The following LARP6 variants were observed in gnomAD, a reference collection of about 807,000 sequenced individuals.
The protein encoded by LARP6 is la-related protein 6.
Under a neutral mutation model 32.8 loss-of-function variants are expected in LARP6, and 18 were observed. The ratio of observed to expected loss-of-function variants is 0.55; its 90% CI spans 0.38 to 0.81. The LOEUF (loss-of-function observed/expected upper bound fraction) is 0.81. Ranked by LOEUF, LARP6 falls within the 40% of genes least tolerant of loss-of-function variation. The pLI is 0.00. For synonymous variants in LARP6, 289 were observed against 267.2 expected (o/e 1.08, Z -0.80); for missense variants, 598 against 663.1 (o/e 0.90, Z 1.08).
At chr15:70,851,764 C>G in intron 1 of LARP6, 1 of 1,613,352 alleles carries the variant, frequency 6.2e-7, no homozygotes, top group Non-Finnish European at 8.5e-7. Flanking sequence ...GTGGAAGGTG[C>G]TAGGCATAAA....
At chr15:70,852,709 T>C (rs1333919306) in intron 1 of LARP6, among the ~76,000 whole-genome samples, 1 of 152,180 alleles carries the variant, frequency 6.6e-6, no homozygotes, top group Non-Finnish European at 1.5e-5. Context: ...TACTTTGTCA[T>C]ACACTATGGT....
chr15:70,832,360 T>C lies in LARP6; in HGVS notation c.1168A>G (p.Lys390Glu). ...AGTGGGGACTTTCTGGAAACGCCTTTGCGTTGGGCCAAGGGGCTGCTCCAA... is the reference window on the plus strand; with the variant it reads ...AGTGGGGACTTTCTGGAAACGCCTTCGCGTTGGGCCAAGGGGCTGCTCCAA... ...SPWSSPLAQR[K>E]GVSRKSPLAE... The change falls in exon 3 of 3, where the codon AAA (lysine) becomes GAA (glutamate). Residue 390 changes from lysine to glutamate, a missense_variant. Lys to Glu is a moderately conservative substitution (Grantham distance 56, BLOSUM62 1). Transcript: ENST00000299213. 1 of 1,614,062 alleles carries C rather than the reference T, an allele frequency of 6.2e-7. No homozygotes were observed. The highest frequency in any genetic ancestry group is 1.1e-5 in the South Asian group (1 of 91,074).
At chr15:70,843,971 T>G (rs2032304559) in intron 1 of LARP6, among the ~76,000 whole-genome samples, 1 of 149,658 alleles carries the variant, frequency 6.7e-6, no homozygotes, top group Non-Finnish European at 1.5e-5. Flanking sequence ...TTCTTTTTTT[T>G]TTTTTAAGAC....
In LARP6 at chr15:70,836,322, G is replaced by A. The variant is rs141487882; in HGVS notation, c.384C>T (p.Ser128=). ...HVRRNKLGYV[S]VKLLTSFKKV... Reference sequence around the variant, plus strand: ...TTTTGAAGGATGTGAGTAGCTTAACGCTCACATATCCCAGCTTGTTCCTCC... The same window carrying A: ...TTTTGAAGGATGTGAGTAGCTTAACACTCACATATCCCAGCTTGTTCCTCC... The change falls in exon 2 of 3, where the codon AGC becomes AGT. Residue 128 remains serine, a synonymous_variant. Coordinates refer to ENST00000299213, the MANE Select transcript of LARP6 (RefSeq NM_018357.4). The A allele has an allele frequency of 5.6e-6, 9 of 1,613,886 alleles. No individual in the cohort carries two copies. The highest frequency in any genetic ancestry group is 3.3e-5 in the South Asian group (3 of 91,082).
chr15:70,843,719 G>C (rs1000626345), intron 1 of LARP6, among the ~76,000 whole-genome samples: 1 of 126,674 alleles, frequency 7.9e-6, no homozygotes. Context: ...GCAGTGGCAT[G>C]ATCTTGGCTC....
In LARP6 at chr15:70,853,993, C is replaced by A; in HGVS notation, c.96G>T (p.Glu32Asp). Residue 32 changes from glutamate to aspartate, a missense_variant, in exon 1 of 3, where the codon GAG becomes GAT. Around this residue, in one of 3 missense-constraint regions of LARP6, gnomAD observed 161 missense variants for 148.6 expected, o/e 1.08. Coordinates refer to ENST00000299213, the MANE Select transcript of LARP6 (RefSeq NM_018357.4). Reference sequence around the variant, plus strand: ...GAGTCTCCGCCCCCTCCTCCTCGTCCTCCAACTCGTCCACGTCCTCGGCCT... The same window carrying A: ...GAGTCTCCGCCCCCTCCTCCTCGTCATCCAACTCGTCCACGTCCTCGGCCT... Reference protein sequence around the residue: ...IQEAEDVDELEDEEEGAETRG... With the variant: ...IQEAEDVDELDDEEEGAETRG... 6.8e-7 allele frequency: 1 copy of A among 1,466,150 alleles called. No homozygotes were observed. The highest frequency in any genetic ancestry group is 9.1e-7 in the Non-Finnish European group (1 of 1,103,852). 90.8% of individuals were successfully genotyped at this position (1,466,150 alleles called of 1,614,324 possible).
intron 1 of LARP6, among the ~76,000 whole-genome samples, chr15:70,839,425 G>T: frequency 7.5e-6 from 1 of 132,536 alleles, no homozygotes; most frequent in Non-Finnish European, 1.6e-5. Context: ...GGGTGACAGA[G>T]TGAGACTGTC....
At chr15:70,839,913 G>A (rs1468183701) in intron 1 of LARP6, among the ~76,000 whole-genome samples, 2 of 152,234 alleles carry the variant, frequency 1.3e-5, no homozygotes, top group Admixed American at 1.3e-4. Flanking sequence ...AAAAGGCCAA[G>A]AGAATTGGCT....
At chr15:70,852,672 C>T (rs1339888256) in intron 1 of LARP6, among the ~76,000 whole-genome samples, 1 of 152,158 alleles carries the variant, frequency 6.6e-6, no homozygotes, top group African/African-American at 2.4e-5. Context: ...ACGAATCAGG[C>T]CTTGCATTAT....
At chr15:70,849,939 AT>A (rs112306414) in intron 1 of LARP6, among the ~76,000 whole-genome samples, 1,709 of 152,292 alleles carry the variant, frequency 0.011, 34 homozygotes, top group African/African-American at 0.039. Context: ...TTAAAAAAAA[AT>A]AGAGCAATGC....
chr15:70,851,601 G>A, intron 1 of LARP6: 1 of 1,601,460 alleles, frequency 6.2e-7, no homozygotes, highest in Non-Finnish European at 8.5e-7. Flanking sequence ...TTGAGTGAGT[G>A]TGATGATAGA....
At position 70,832,118 on chromosome 15, in the gene LARP6, C is replaced by T. The variant is rs1595948844; in HGVS notation, c.1410G>A (p.Arg470=). Residue 470 remains arginine, a synonymous_variant, in exon 3 of 3, where the codon AGG becomes AGA. Transcript: ENST00000299213. ...TGGTGTTGTCAGGACCCCTGGGCAA[C>T]CTCAGCACCCCTACGGGTAGCCCAT... ...TADGLPVGVL[R]LPRGPDNTRG... The T allele has an allele frequency of 6.3e-7, 1 of 1,594,430 alleles. No homozygotes were observed. Among genetic ancestry groups the T allele is most frequent in the Non-Finnish European group, 8.5e-7 (1 of 1,170,230 alleles).
chr15:70,846,049 G>T (rs2032340325), intron 1 of LARP6, among the ~76,000 whole-genome samples: 1 of 152,158 alleles, frequency 6.6e-6, no homozygotes, highest in African/African-American at 2.4e-5. Context: ...TCTAAAGGAA[G>T]AATTTAAATT....
At chr15:70,843,951 C>T (rs1158690956) in intron 1 of LARP6, among the ~76,000 whole-genome samples, 4 of 147,394 alleles carry the variant, frequency 2.7e-5, no homozygotes, top group Non-Finnish European at 4.5e-5. Context: ...CAACCGCGCC[C>T]GACCTTTTTT....
intron 2 of LARP6, 141 bp downstream of exon 2, chr15:70,836,154 C>T (rs2032142805): frequency 3.0e-6 from 2 of 667,980 alleles, no homozygotes; most frequent in South Asian, 1.9e-5. Flanking sequence ...TTCTCCTAGC[C>T]ATTTTTCTCT....
Position 70,832,612 on chromosome 15 carries a change from G to T in LARP6, c.916C>A (p.His306Asn). Residue 306 changes from histidine to asparagine, a missense_variant, in exon 3 of 3, where the codon CAT (histidine) becomes AAT (asparagine). Transcript: ENST00000299213. Reference protein sequence around the residue: ...PKKKPAKDKNHDEEPTASIHL... With the variant: ...PKKKPAKDKNNDEEPTASIHL... ...ATGCTCGCAGTGGGCTCCTCGTCAT[G>T]ATTTTTGTCTTTGGCAGGTTTCTTT... 6.2e-7 allele frequency: 1 copy of T among 1,606,672 alleles called. No homozygotes were observed. Among genetic ancestry groups the T allele is most frequent in the South Asian group, 1.1e-5 (1 of 89,814 alleles).
intron 1 of LARP6, among the ~76,000 whole-genome samples, chr15:70,850,118 A>G (rs1004270478): frequency 6.6e-6 from 1 of 152,230 alleles, no homozygotes; most frequent in Non-Finnish European, 1.5e-5. Context: ...GAAGAAATGC[A>G]TACATTCCTA....
rs1160009147 is a variant in LARP6 at position 70,848,204 on chromosome 15, G to A, written c.200+5685C>T. On this transcript the variant is annotated intron_variant, in intron 1 of 2. Transcript: ENST00000299213. ...CATATTTTGGATGGTGCTAGCAGGG[G>A]GCACATGTTATGCTTGCGTGGCCCA... 7.2e-5 allele frequency among the ~76,000 whole-genome samples: 11 copies of A among 152,216 alleles called. No homozygotes were observed. In the South Asian group the frequency reaches 1.2e-3, roughly 17 times the overall value.
At position 70,832,628 on chromosome 15, in the gene LARP6, A is replaced by G; in HGVS notation, c.900T>C (p.Pro300=). ...LIGMKPPKKK[P]AKDKNHDEEP... ...CCTCGTCATGATTTTTGTCTTTGGC[A>G]GGTTTCTTTTTGGGTGGCTTCATAC... The change falls in exon 3 of 3, where the codon CCT becomes CCC. Residue 300 remains proline, a synonymous_variant. Coordinates refer to ENST00000299213, the MANE Select transcript of LARP6 (RefSeq NM_018357.4). The G allele has an allele frequency of 1.2e-6, 2 of 1,608,252 alleles. No homozygotes were observed. Among genetic ancestry groups the G allele is most frequent in the Non-Finnish European group, 8.5e-7 (1 of 1,178,438 alleles).
Sources: allele counts gnomAD v4.1 joint callset (sites outside exome capture counted in the v4.1 genomes callset), GRCh38; gene constraint gnomAD v4.1.1; regional missense constraint gnomAD v4.1.1; transcripts MANE v1.5; gene names NCBI Gene and HGNC (gene_info 2026-07-23, HGNC 2026-07-21).